COL25A1: variants seen among roughly 807,000 people sequenced by gnomAD.
The protein encoded by COL25A1 is collagen type XXV alpha 1 chain.
A neutral mutation model predicts 128.4 loss-of-function variants in COL25A1; 103 were observed. That is an observed-to-expected ratio of 0.80 (90% CI 0.68 to 0.94). COL25A1 has a LOEUF of 0.94. COL25A1 is among the 40% of genes least tolerant of loss of function. COL25A1 has a pLI of 0.00. For synonymous variants in COL25A1, 279 were observed against 277.2 expected (o/e 1.01, Z -0.06); for missense variants, 745 against 840.0 (o/e 0.89, Z 1.40).
chr4:109,068,149 C>T (rs938239339), intron 3 of COL25A1, among the ~76,000 whole-genome samples: 3 of 152,200 alleles, frequency 2.0e-5, no homozygotes, highest in Admixed American at 2.0e-4. Context: ...ACTTGGGAAA[C>T]TAATCTCCTG....
At chr4:109,147,006 A>C (rs1392507449) in intron 3 of COL25A1, among the ~76,000 whole-genome samples, 1 of 152,180 alleles carries the variant, frequency 6.6e-6, no homozygotes, top group Non-Finnish European at 1.5e-5. Flanking sequence ...CCCAAAAAAA[A>C]CAAAACTGTG....
intron 13 of COL25A1, 81 bp downstream of exon 13, chr4:108,918,091 C>T (rs1379102577): frequency 1.3e-6 from 1 of 795,086 alleles, no homozygotes; most frequent in Non-Finnish European, 2.0e-6. Flanking sequence ...AAGCTTATTA[C>T]TAACATTATG....
At chr4:108,982,298 C>T (rs1208283681) in intron 6 of COL25A1, among the ~76,000 whole-genome samples, 1 of 152,072 alleles carries the variant, frequency 6.6e-6, no homozygotes, top group Non-Finnish European at 1.5e-5. Flanking sequence ...GGAAATATTT[C>T]GAGAATAGGA....
At chr4:108,968,422 T>C (rs764620323) in intron 8 of COL25A1, among the ~76,000 whole-genome samples, 3 of 152,156 alleles carry the variant, frequency 2.0e-5, no homozygotes, top group Non-Finnish European at 2.9e-5. Flanking sequence ...ATCCAAAGGC[T>C]TTTGAAAGAC....
chr4:109,288,928 A>G (rs1170523486), intron 3 of COL25A1, among the ~76,000 whole-genome samples: 3 of 150,782 alleles, frequency 2.0e-5, no homozygotes, highest in African/African-American at 7.3e-5. Context: ...ATAATAAACA[A>G]TCATCATTAC....
intron 18 of COL25A1, among the ~76,000 whole-genome samples, chr4:108,885,538 T>C (rs1578656929): frequency 6.6e-6 from 1 of 152,206 alleles, no homozygotes; most frequent in Admixed American, 6.5e-5. Flanking sequence ...TGTTATTCCA[T>C]TCAAAGAATG....
At position 108,940,512 on chromosome 4, in the gene COL25A1, G is replaced by A. The variant is rs151028951; in HGVS notation, c.672+27C>T. The A allele has an allele frequency of 2.3e-4, 359 of 1,576,554 alleles. 2 individuals carry two copies. The East Asian group carries it at 5.9e-3, about 26-fold the overall frequency. On this transcript the variant is annotated intron_variant, in intron 10 of 37. Coordinates refer to ENST00000399132, the MANE Select transcript of COL25A1 (RefSeq NM_198721.4). The stretch of plus-strand genomic sequence containing the variant: ...CCTTAACATGAAGCAAAACGTGTGA[G>A]AATAAGTGATCCAAAAAGCGACTCA...
intron 3 of COL25A1, among the ~76,000 whole-genome samples, chr4:109,162,221 G>T (rs994920310): frequency 6.6e-6 from 1 of 152,168 alleles, no homozygotes; most frequent in Non-Finnish European, 1.5e-5. Context: ...GGAAGAAGAG[G>T]AGAAAGATTG....
rs111862086 is a variant in COL25A1 at position 108,832,307 on chromosome 4, G to C, written c.1710+73C>G. ...CTTTATTTCTTCTGAAAAATGAACA[G>C]TTAAATTAATATGGAAAAGCCATGC... On this transcript the variant is annotated intron_variant, in intron 32 of 37. Transcript: ENST00000399132. The C allele has an allele frequency of 2.5e-4, 263 of 1,067,802 alleles. No individual in the cohort carries two copies. In the African/African-American group the frequency reaches 3.7e-3, roughly 15 times the overall value. 66.1% of individuals were successfully genotyped at this position (1,067,802 alleles called of 1,614,324 possible).
intron 27 of COL25A1, among the ~76,000 whole-genome samples, chr4:108,848,362 A>T (rs1026207546): frequency 6.6e-6 from 1 of 152,198 alleles, no homozygotes; most frequent in African/African-American, 2.4e-5. Flanking sequence ...ATTTGGGAAA[A>T]GAAAACATTG....
chr4:108,809,210 T>G lies in COL25A1; in HGVS notation c.*4717A>C, dbSNP rs987407198. ...TATTTTTTTTTGCATATTTCACTTA[T>G]TTTGTATTTATGTGAGTTTTTGGCA... On this transcript the variant is annotated 3_prime_UTR_variant, in exon 38 of 38. Coordinates refer to ENST00000399132, the MANE Select transcript of COL25A1 (RefSeq NM_198721.4). The G allele has an allele frequency of 6.6e-6, 1 of 152,128 alleles. No homozygotes were observed. Among genetic ancestry groups the G allele is most frequent in the Non-Finnish European group, 1.5e-5 (1 of 67,984 alleles). 9.4% of individuals were successfully genotyped at this position (152,128 alleles called of 1,614,324 possible).
intron 5 of COL25A1, among the ~76,000 whole-genome samples, chr4:109,044,599 A>G (rs1429490458): frequency 6.6e-6 from 1 of 152,148 alleles, no homozygotes; most frequent in Non-Finnish European, 1.5e-5. Context: ...GTCTGTACAC[A>G]TGAAGCCACA....
At chr4:108,869,898 C>T (rs1738489244) in intron 19 of COL25A1, among the ~76,000 whole-genome samples, 1 of 151,856 alleles carries the variant, frequency 6.6e-6, no homozygotes, top group Non-Finnish European at 1.5e-5. Context: ...GTATTTCAAC[C>T]TTTGTTTCAT....
intron 3 of COL25A1, among the ~76,000 whole-genome samples, chr4:109,109,379 C>T (rs997970636): frequency 2.6e-5 from 4 of 152,146 alleles, no homozygotes; most frequent in Non-Finnish European, 5.9e-5. Flanking sequence ...TTTCCCTTTC[C>T]TCTTTTCATG....
At chr4:108,899,225 C>T (rs1367738881) in intron 14 of COL25A1, 45 bp from the exon 15 acceptor site, 5 of 1,541,960 alleles carry the variant, frequency 3.2e-6, no homozygotes, top group Non-Finnish European at 3.6e-6. Context: ...TCATAAAACA[C>T]CTAATTTTAT....
At chr4:109,182,789 T>C (rs541694809) in intron 3 of COL25A1, among the ~76,000 whole-genome samples, 18 of 152,216 alleles carry the variant, frequency 1.2e-4, no homozygotes, top group South Asian at 4.1e-4. Flanking sequence ...GAGGCAGATA[T>C]AGAGCCCTGG....
chr4:108,989,645 G>C (rs1450854848), intron 6 of COL25A1, among the ~76,000 whole-genome samples: 1 of 152,108 alleles, frequency 6.6e-6, no homozygotes, highest in Non-Finnish European at 1.5e-5. Context: ...AAACCTTAAA[G>C]TGTATAGGCT....
chr4:109,267,070 A>C (rs1468457876), intron 3 of COL25A1, among the ~76,000 whole-genome samples: 1 of 152,200 alleles, frequency 6.6e-6, no homozygotes, highest in Non-Finnish European at 1.5e-5. Context: ...TAGAAACTGC[A>C]ACCAAGTCAT....
chr4:109,087,570 G>C (rs780620307), intron 3 of COL25A1, among the ~76,000 whole-genome samples: 1 of 152,116 alleles, frequency 6.6e-6, no homozygotes, highest in South Asian at 2.1e-4. Context: ...TTCATATCCA[G>C]TGGTCCTCTA....
Sources: allele counts gnomAD v4.1 joint callset (sites outside exome capture counted in the v4.1 genomes callset), GRCh38; gene constraint gnomAD v4.1.1; transcripts MANE v1.5; gene names NCBI Gene and HGNC (gene_info 2026-07-23, HGNC 2026-07-21).